DNAJC3: variants seen among roughly 807,000 people sequenced by gnomAD.
DNAJC3 encodes DnaJ heat shock protein family (Hsp40) member C3, also known as dnaJ homolog subfamily C member 3.
In DNAJC3, 38 loss-of-function variants were observed where a neutral mutation model predicts 68.6. The observed-to-expected ratio is 0.55, with a 90% CI of 0.43 to 0.73. The LOEUF (loss-of-function observed/expected upper bound fraction) is 0.73, where lower values mean the gene tolerates loss of function less well. DNAJC3 is among the 30% of genes least tolerant of loss of function. The probability of loss-of-function intolerance (pLI) is 0.00; values close to 1 mark genes in which losing one functional copy is unlikely to be tolerated. For synonymous variants in DNAJC3, 203 were observed against 204.0 expected, an observed-to-expected ratio of 1.00 and a Z score of 0.04; for missense variants, 526 against 591.9, an observed-to-expected ratio of 0.89 and a Z score of 1.16.
intron 4 of DNAJC3, among the ~76,000 whole-genome samples, chr13:95,738,652 C>T (rs1384203293): frequency 6.6e-6 from 1 of 151,984 alleles, no homozygotes; most frequent in Non-Finnish European, 1.5e-5. Context: ...CAACCCCTGC[C>T]TTTTTTTGTT....
intron 9 of DNAJC3, among the ~76,000 whole-genome samples, chr13:95,784,126 G>A (rs779524209): frequency 2.6e-5 from 4 of 152,176 alleles, no homozygotes; most frequent in South Asian, 2.1e-4. Context: ...TAGCTGTTGC[G>A]AAGATGAGTG....
intron 4 of DNAJC3, among the ~76,000 whole-genome samples, chr13:95,744,108 C>T (rs899852752): frequency 6.6e-6 from 1 of 152,122 alleles, no homozygotes; most frequent in African/African-American, 2.4e-5. Context: ...GTAGGGATGT[C>T]TCCATTTGTT....
intron 1 of DNAJC3, among the ~76,000 whole-genome samples, chr13:95,708,934 A>G (rs561775658): frequency 6.6e-6 from 1 of 152,288 alleles, no homozygotes; most frequent in African/African-American, 2.4e-5. Context: ...TTTTCATTTT[A>G]TTATTCAAAA....
At chr13:95,738,561 C>T (rs1224954384) in intron 4 of DNAJC3, among the ~76,000 whole-genome samples, 1 of 152,026 alleles carries the variant, frequency 6.6e-6, no homozygotes, top group Non-Finnish European at 1.5e-5. Context: ...TGAATTGATC[C>T]CTTTACCATT....
At chr13:95,683,271 A>T (rs1879973732) in intron 1 of DNAJC3, among the ~76,000 whole-genome samples, 1 of 152,030 alleles carries the variant, frequency 6.6e-6, no homozygotes, top group Admixed American at 6.6e-5. Context: ...ACATGGGTAT[A>T]TTGTGTAATG....
At chr13:95,742,960 T>C (rs986900219) in intron 4 of DNAJC3, 3 of 444,264 alleles carry the variant, frequency 6.8e-6, no homozygotes, top group Non-Finnish European at 1.3e-5. Flanking sequence ...TGTATGATGG[T>C]ATGAGGTTTA....
chr13:95,736,115 A>G (rs1204266164), intron 4 of DNAJC3, among the ~76,000 whole-genome samples: 2 of 152,100 alleles, frequency 1.3e-5, no homozygotes, highest in Admixed American at 1.3e-4. Context: ...CAGGTTTGTC[A>G]AAGATCAGAT....
chr13:95,729,298 CTCTCCCTCTCCT>C (rs1197303243), intron 4 of DNAJC3, among the ~76,000 whole-genome samples: 2 of 121,024 alleles, frequency 1.7e-5, no homozygotes, highest in East Asian at 2.9e-4. Flanking sequence ...CTCCTTCTCC[CTCTCCCTCTCCT>C]TCTCCCTCTC....
At chr13:95,747,857 C>T (rs1182283872) in intron 4 of DNAJC3, among the ~76,000 whole-genome samples, 1 of 152,144 alleles carries the variant, frequency 6.6e-6, no homozygotes, top group Non-Finnish European at 1.5e-5. Context: ...ATTATGATAT[C>T]CAGGTTTCTG....
rs760816602 is a variant in DNAJC3, at chr13:95,677,306, C to CCTG, written c.54_56dup (p.Leu19dup). Reference sequence around the variant, plus strand: ...GCCGGCTGGGCTCGGTATTCCCCTTCCTGCTAGTCCTGGTGGATCTGCAGT... The same window carrying CCTG: ...GCCGGCTGGGCTCGGTATTCCCCTTCCTGCTGCTAGTCCTGGTGGATCTGCAGT... On this transcript the variant is annotated inframe_insertion, in exon 1 of 12. Coordinates refer to ENST00000602402, the MANE Select transcript of DNAJC3 (RefSeq NM_006260.5). The CCTG allele has an allele frequency of 1.9e-6, 3 of 1,600,192 alleles. No homozygotes were observed. The African/African-American group carries it at 4.1e-5, about 22-fold the overall frequency.
chr13:95,759,990 A>G, intron 5 of DNAJC3, 50 bp from the exon 6 acceptor site: 1 of 1,478,894 alleles, frequency 6.8e-7, no homozygotes. Flanking sequence ...TGCAACAATG[A>G]ATGTGCATAA....
intron 2 of DNAJC3, among the ~76,000 whole-genome samples, chr13:95,711,411 C>T (rs1880958599): frequency 6.6e-6 from 1 of 151,776 alleles, no homozygotes. Context: ...ACTGGAGAAT[C>T]ACTTAGACCC....
intron 4 of DNAJC3, among the ~76,000 whole-genome samples, chr13:95,730,141 A>G (rs1009908734): frequency 6.6e-5 from 10 of 152,032 alleles, no homozygotes; most frequent in Non-Finnish European, 1.2e-4. Context: ...ACATGTATGT[A>G]TCACTAGGCC....
At chr13:95,734,387 G>C (rs749443185) in intron 4 of DNAJC3, among the ~76,000 whole-genome samples, 2 of 152,268 alleles carry the variant, frequency 1.3e-5, no homozygotes, top group East Asian at 3.9e-4. Flanking sequence ...AAATAATCCC[G>C]ATAGTCCAAT....
At chr13:95,708,499 A>G (rs1479370972) in intron 1 of DNAJC3, among the ~76,000 whole-genome samples, 2 of 152,082 alleles carry the variant, frequency 1.3e-5, no homozygotes, top group Non-Finnish European at 2.9e-5. Flanking sequence ...ACATATCTGC[A>G]TGCTCCCGAC....
chr13:95,764,201 G>T (rs922221670), intron 9 of DNAJC3, among the ~76,000 whole-genome samples: 2 of 151,570 alleles, frequency 1.3e-5, no homozygotes, highest in Non-Finnish European at 2.9e-5. Flanking sequence ...AGCTTTTTTT[G>T]TAGAAAGGAA....
At chr13:95,708,507 G>A (rs1361115388) in intron 1 of DNAJC3, among the ~76,000 whole-genome samples, 1 of 152,080 alleles carries the variant, frequency 6.6e-6, no homozygotes, top group Non-Finnish European at 1.5e-5. Context: ...GCATGCTCCC[G>A]ACTTAGGACC....
chr13:95,764,095 A>C, intron 9 of DNAJC3, 142 bp downstream of exon 9: 1 of 1,312,658 alleles, frequency 7.6e-7, no homozygotes, highest in Non-Finnish European at 1.0e-6. Context: ...AGAACTTGAA[A>C]ATTACTCTTC....
intron 3 of DNAJC3, among the ~76,000 whole-genome samples, chr13:95,724,355 A>C (rs1881436369): frequency 6.6e-6 from 1 of 152,194 alleles, no homozygotes; most frequent in South Asian, 2.1e-4. Flanking sequence ...TTCATTGGTC[A>C]TCCAGAGTTG....
Sources: gnomAD v4.1 joint callset for allele counts (sites outside exome capture counted in the v4.1 genomes callset) on GRCh38, gnomAD v4.1.1 for gene constraint, MANE v1.5 for transcripts, NCBI Gene and HGNC (gene_info 2026-07-23, HGNC 2026-07-21) for gene names.